The following ATF6 variants were observed in gnomAD, a reference collection of about 807,000 sequenced individuals.
The protein encoded by ATF6 is cyclic AMP-dependent transcription factor ATF-6 alpha.
ATF6 carries 53 observed loss-of-function variants against 83.6 expected under a neutral mutation model. The observed-to-expected ratio is 0.63, with a 90% CI of 0.51 to 0.80. ATF6 has a LOEUF of 0.80. Among genes scored for constraint, ATF6 ranks in the 30% least tolerant of loss-of-function variants. The probability of loss-of-function intolerance (pLI) is 0.00; values close to 1 mark genes in which losing one functional copy is unlikely to be tolerated. For synonymous variants in ATF6, 288 were observed against 285.8 expected (o/e 1.01, Z -0.08); for missense variants, 744 against 797.9 (o/e 0.93, Z 0.81).
intron 9 of ATF6, among the ~76,000 whole-genome samples, chr1:161,831,944 T>TAAAAAAAAAAAAAAAA (rs574016070): frequency 7.7e-6 from 1 of 130,528 alleles, no homozygotes; most frequent in Admixed American, 7.6e-5. Context: ...TAAAGTATAA[T>TAAAAAAAAAAAAAAAA]AAAAAAAAAA....
At chr1:161,769,901 G>T (rs1053900014) in intron 1 of ATF6, among the ~76,000 whole-genome samples, 7 of 152,000 alleles carry the variant, frequency 4.6e-5, no homozygotes, top group African/African-American at 1.7e-4. Context: ...ATGAAGCTTC[G>T]CTCACTCACC....
At chr1:161,862,879 C>T (rs1558000776) in intron 13 of ATF6, among the ~76,000 whole-genome samples, 1 of 152,130 alleles carries the variant, frequency 6.6e-6, no homozygotes, top group Non-Finnish European at 1.5e-5. Context: ...AATTAAAAAT[C>T]GTTCAAACCT....
chr1:161,807,846 G>C (rs1004025429), intron 7 of ATF6, among the ~76,000 whole-genome samples: 1 of 51,150 alleles, frequency 2.0e-5, no homozygotes, highest in African/African-American at 8.7e-5. Flanking sequence ...TGTACTTTTT[G>C]TACTTTTTAG....
chr1:161,861,826 G>C (rs1430286818), intron 13 of ATF6, among the ~76,000 whole-genome samples: 2 of 152,080 alleles, frequency 1.3e-5, no homozygotes, highest in African/African-American at 4.8e-5. Flanking sequence ...TGTGCTTTTT[G>C]TTGGTAATTT....
chr1:161,907,172 A>G (rs1687892941), intron 14 of ATF6, among the ~76,000 whole-genome samples: 1 of 152,190 alleles, frequency 6.6e-6, no homozygotes, highest in Non-Finnish European at 1.5e-5. Flanking sequence ...TAACTCTGAA[A>G]GGCCTACTTC....
chr1:161,828,281 T>TA (rs1685955602), intron 9 of ATF6, among the ~76,000 whole-genome samples: 1 of 152,086 alleles, frequency 6.6e-6, no homozygotes, highest in Admixed American at 6.5e-5. Flanking sequence ...TTTAGCACAC[T>TA]AAAAAATGAT....
chr1:161,905,610 C>G (rs969991110), intron 14 of ATF6, among the ~76,000 whole-genome samples: 1 of 152,130 alleles, frequency 6.6e-6, no homozygotes, highest in African/African-American at 2.4e-5. Flanking sequence ...TGGTTAAACT[C>G]TTTATGCATT....
In ATF6 at chr1:161,813,028, G is replaced by A. The variant is rs1034995057; in HGVS notation, c.910-6605G>A. Among the ~76,000 whole-genome samples, 12 of 151,810 alleles carry A rather than the reference G, an allele frequency of 7.9e-5. 1 individual carries two copies. The highest frequency in any genetic ancestry group is 4.2e-4 in the South Asian group (2 of 4,810). ...CATTAATAGAGCCTTTACTTTCAAG[G>A]TAGTCCTGATGCAGCTCAGACTTTA... On this transcript the variant is annotated intron_variant, in intron 7 of 15. Coordinates refer to ENST00000367942, the MANE Select transcript of ATF6 (RefSeq NM_007348.4).
At chr1:161,814,351 C>T (rs926249215) in intron 7 of ATF6, among the ~76,000 whole-genome samples, 1 of 152,206 alleles carries the variant, frequency 6.6e-6, no homozygotes, top group Non-Finnish European at 1.5e-5. Context: ...CTGGTGCATA[C>T]TTCTGCTTTT....
At chr1:161,799,795 T>C (rs1187689279) in intron 6 of ATF6, among the ~76,000 whole-genome samples, 2 of 152,170 alleles carry the variant, frequency 1.3e-5, no homozygotes, top group East Asian at 1.9e-4. Flanking sequence ...GGGCTTTGCT[T>C]TTATAAGTTA....
At chr1:161,780,539 AATTTTTTGT>A (rs1409334302) in intron 2 of ATF6, among the ~76,000 whole-genome samples, 1 of 151,866 alleles carries the variant, frequency 6.6e-6, no homozygotes, top group Admixed American at 6.6e-5. Flanking sequence ...ACGCCCGGCT[AATTTTTTGT>A]ATTTTTAGTA....
At chr1:161,866,780 C>G (rs1342861931) in intron 14 of ATF6, among the ~76,000 whole-genome samples, 1 of 152,130 alleles carries the variant, frequency 6.6e-6, no homozygotes, top group African/African-American at 2.4e-5. Flanking sequence ...GAGACAAGGT[C>G]TCTGTTGCCC....
chr1:161,819,810 G>A lies in ATF6; in HGVS notation c.1087G>A (p.Val363Met), dbSNP rs1180678754. Residue 363 changes from valine to methionine, a missense_variant, in exon 8 of 16, where the codon GTG becomes ATG. Coordinates refer to ENST00000367942, the MANE Select transcript of ATF6 (RefSeq NM_007348.4). ...ACTGAAGCGGCAGCTGGATGAAGTT[G>A]TGTCAGAGGTAAGTGTTAGTAATAC... ...GTLKRQLDEV[V>M]SENQRLKVPS... 2 of 1,608,804 alleles carry A rather than the reference G, an allele frequency of 1.2e-6. No individual in the cohort carries two copies. Among genetic ancestry groups the A allele is most frequent in the South Asian group, 1.1e-5 (1 of 90,326 alleles).
At chr1:161,810,426 C>T (rs771078040) in intron 7 of ATF6, among the ~76,000 whole-genome samples, 7 of 152,108 alleles carry the variant, frequency 4.6e-5, no homozygotes, top group African/African-American at 9.7e-5. Context: ...CCTCCATGAT[C>T]GAATCACCTT....
At chr1:161,774,605 G>C (rs1203920247) in intron 1 of ATF6, among the ~76,000 whole-genome samples, 1 of 152,068 alleles carries the variant, frequency 6.6e-6, no homozygotes, top group Non-Finnish European at 1.5e-5. Flanking sequence ...TCAAGAGAGA[G>C]AGATGTGTTG....
At chr1:161,946,328 T>C (rs1688746956) in intron 15 of ATF6, among the ~76,000 whole-genome samples, 1 of 152,182 alleles carries the variant, frequency 6.6e-6, no homozygotes, top group Non-Finnish European at 1.5e-5. Context: ...AAGTGAATAT[T>C]AGGAGGAGCC....
intron 1 of ATF6, among the ~76,000 whole-genome samples, chr1:161,773,379 C>G (rs1018076652): frequency 1.3e-5 from 2 of 151,890 alleles, no homozygotes; most frequent in African/African-American, 4.8e-5. Flanking sequence ...CCTCATGATC[C>G]GCCTGCCCAC....
chr1:161,927,624 T>C lies in ATF6; in HGVS notation c.1804+15244T>C, dbSNP rs112974678. On this transcript the variant is annotated intron_variant, in intron 15 of 15. Transcript: ENST00000367942. Reference sequence around the variant, plus strand: ...CCTGTCACTGATTACTGTGTGACTTTGAGCTAAATTACAACACATTAGTAA... The same window carrying C: ...CCTGTCACTGATTACTGTGTGACTTCGAGCTAAATTACAACACATTAGTAA... Among the ~76,000 whole-genome samples the C allele has an allele frequency of 3.0e-3, 463 of 152,352 alleles. 4 individuals are homozygous for C. Among genetic ancestry groups the C allele is most frequent in the African/African-American group, 0.01 (433 of 41,574 alleles).
chr1:161,860,393 T>C, intron 13 of ATF6, 116 bp downstream of exon 13: 1 of 417,346 alleles, frequency 2.4e-6, no homozygotes. Flanking sequence ...AGTTTTATAT[T>C]AGTCATATAC....
Sources: gnomAD v4.1 joint callset for allele counts (sites outside exome capture counted in the v4.1 genomes callset) on GRCh38, gnomAD v4.1.1 for gene constraint, MANE v1.5 for transcripts, NCBI Gene and HGNC (gene_info 2026-07-23, HGNC 2026-07-21) for gene names.